DOCK2: variants seen among roughly 807,000 people sequenced by gnomAD.
DOCK2 encodes the protein dedicator of cytokinesis 2, also known as dedicator of cytokinesis protein 2.
In DOCK2, 87 loss-of-function variants were observed where a neutral mutation model predicts 248.9. The ratio of observed to expected loss-of-function variants is 0.35; its 90% CI spans 0.29 to 0.42. The LOEUF is 0.42. Ranked by LOEUF, DOCK2 falls within the 10% of genes least tolerant of loss-of-function variation. The pLI is 1.00. For missense variants in DOCK2, 1,747 were observed against 2,300.2 expected (o/e 0.76, Z 4.92); for synonymous variants, 805 against 821.6 (o/e 0.98, Z 0.35).
At chr5:169,708,144 C>T (rs751592341) in intron 14 of DOCK2, 25 bp from the exon 15 acceptor site, 2 of 1,610,430 alleles carry the variant, frequency 1.2e-6, no homozygotes, top group South Asian at 1.1e-5. Context: ...TAGTCTTTTC[C>T]CTCACTTTGT....
intron 25 of DOCK2, among the ~76,000 whole-genome samples, chr5:169,773,935 G>A (rs529303066): frequency 5.9e-5 from 9 of 152,186 alleles, no homozygotes; most frequent in Non-Finnish European, 8.8e-5. Context: ...CATGTAAGAC[G>A]TGCCTTTTGC....
chr5:170,059,569 T>A (rs1310820264), intron 44 of DOCK2, among the ~76,000 whole-genome samples: 1 of 152,216 alleles, frequency 6.6e-6, no homozygotes, highest in Admixed American at 6.5e-5. Flanking sequence ...ATAATTTTCT[T>A]GTTTATTTTT....
intron 45 of DOCK2, 78 bp from the exon 46 acceptor site, chr5:170,069,059 C>A: frequency 7.5e-7 from 1 of 1,331,502 alleles, no homozygotes; most frequent in Admixed American, 1.9e-5. Flanking sequence ...CAAATTGAAT[C>A]TTCTCCCAGT....
intron 27 of DOCK2, among the ~76,000 whole-genome samples, chr5:169,979,425 A>G (rs1777860224): frequency 6.6e-6 from 1 of 152,246 alleles, no homozygotes; most frequent in Non-Finnish European, 1.5e-5. Flanking sequence ...AGAGACACAC[A>G]TCAGAGAAGC....
intron 27 of DOCK2, among the ~76,000 whole-genome samples, chr5:169,918,022 G>T (rs1318089262): frequency 6.6e-6 from 1 of 152,214 alleles, no homozygotes; most frequent in Non-Finnish European, 1.5e-5. Context: ...GCAAGGAAAG[G>T]TATTTAGCTG....
chr5:169,835,936 A>G (rs755188389), intron 26 of DOCK2, among the ~76,000 whole-genome samples: 9 of 151,686 alleles, frequency 5.9e-5, no homozygotes, highest in African/African-American at 9.7e-5. Flanking sequence ...TGATATTTTT[A>G]GTAGAGATGG....
At chr5:170,064,415 T>C (rs1581569200) in intron 44 of DOCK2, among the ~76,000 whole-genome samples, 1 of 151,150 alleles carries the variant, frequency 6.6e-6, no homozygotes, top group Non-Finnish European at 1.5e-5. Context: ...AGAGAAAGCA[T>C]AAAGTGTACC....
chr5:169,803,256 T>A (rs372623074), intron 26 of DOCK2, 50 bp downstream of exon 26: 1 of 1,577,852 alleles, frequency 6.3e-7, no homozygotes, highest in South Asian at 1.1e-5. Context: ...TAGGGCTAAG[T>A]TGATTACATT....
intron 27 of DOCK2, among the ~76,000 whole-genome samples, chr5:169,857,425 C>T (rs1176762617): frequency 1.3e-5 from 2 of 152,164 alleles, no homozygotes; most frequent in Non-Finnish European, 2.9e-5. Context: ...ATTCCTGGGT[C>T]CTGAATGCCA....
chr5:169,956,165 C>A (rs1317044923), intron 27 of DOCK2, among the ~76,000 whole-genome samples: 1 of 152,200 alleles, frequency 6.6e-6, no homozygotes, highest in African/African-American at 2.4e-5. Flanking sequence ...CCTCTTCTGT[C>A]CTGCAAGGGC....
intron 25 of DOCK2, among the ~76,000 whole-genome samples, chr5:169,801,132 C>CCAGATAGTTT (rs1427336810): frequency 1.5e-5 from 2 of 133,138 alleles, no homozygotes; most frequent in Non-Finnish European, 3.1e-5. Context: ...GCCACCATGC[C>CCAGATAGTTT]CAGATAGTTT....
chr5:170,004,921 G>A (rs954438479), intron 30 of DOCK2, among the ~76,000 whole-genome samples: 3 of 124,302 alleles, frequency 2.4e-5, no homozygotes, highest in Admixed American at 8.7e-5. Flanking sequence ...CTGTGGTGGG[G>A]TGGGGGGAGG....
At chr5:169,711,841 T>C in intron 15 of DOCK2, 94 bp from the exon 16 acceptor site, 1 of 1,377,938 alleles carries the variant, frequency 7.3e-7, no homozygotes, top group South Asian at 1.2e-5. Flanking sequence ...CTCTCTCAGT[T>C]AAATGGTCAG....
At chr5:169,781,846 C>T (rs551610505) in intron 25 of DOCK2, among the ~76,000 whole-genome samples, 8 of 152,276 alleles carry the variant, frequency 5.3e-5, no homozygotes, top group African/African-American at 1.7e-4. Flanking sequence ...GGATGTTTCT[C>T]TCCATGCAAG....
intron 27 of DOCK2, among the ~76,000 whole-genome samples, chr5:169,930,209 C>G (rs1467465386): frequency 6.6e-6 from 1 of 152,110 alleles, no homozygotes; most frequent in Non-Finnish European, 1.5e-5. Context: ...CTAGGATGGT[C>G]TCAATCTCCT....
intron 26 of DOCK2, among the ~76,000 whole-genome samples, chr5:169,835,905 C>G (rs1374908028): frequency 6.6e-6 from 1 of 151,930 alleles, no homozygotes; most frequent in Non-Finnish European, 1.5e-5. Context: ...CAAGTGTGCA[C>G]CACCATGCCA....
Position 169,637,283 on chromosome 5 carries a change from C to T in DOCK2, c.-44C>T, listed in dbSNP as rs760403933. The T allele has an allele frequency of 2.2e-4, 321 of 1,436,802 alleles. No homozygotes were observed. The Admixed American group carries it at 2.5e-3, about 11-fold the overall frequency. 89.0% of individuals were successfully genotyped at this position (1,436,802 alleles called of 1,614,324 possible). On this transcript the variant is annotated 5_prime_UTR_variant, in exon 1 of 52. Transcript: ENST00000520908. The stretch of plus-strand genomic sequence containing the variant: ...GGGGCCCTGCGGCGCCCAGCCACCC[C>T]CTGACGGCTTCCCCACGGGAGGACG...
intron 26 of DOCK2, among the ~76,000 whole-genome samples, chr5:169,831,247 C>T (rs542504148): frequency 6.6e-6 from 1 of 151,970 alleles, no homozygotes; most frequent in Non-Finnish European, 1.5e-5. Flanking sequence ...ACATATGGTA[C>T]TCTGTAGTCT....
intron 26 of DOCK2, among the ~76,000 whole-genome samples, chr5:169,820,610 C>G (rs1402496164): frequency 6.6e-6 from 1 of 152,146 alleles, no homozygotes; most frequent in Non-Finnish European, 1.5e-5. Flanking sequence ...ACATCAAAAC[C>G]CCATCTGTAC....
Sources: gnomAD v4.1 joint callset for allele counts (sites outside exome capture counted in the v4.1 genomes callset) on GRCh38, gnomAD v4.1.1 for gene constraint, MANE v1.5 for transcripts, NCBI Gene and HGNC (gene_info 2026-07-23, HGNC 2026-07-21) for gene names.